The following KLF13 variants were observed in gnomAD, a reference collection of about 807,000 sequenced individuals.
KLF13 encodes the protein Krueppel-like factor 13.
Under a neutral mutation model 16.7 loss-of-function variants are expected in KLF13, and 8 were observed. That is an observed-to-expected ratio of 0.48 (90% confidence interval 0.28 to 0.87). The LOEUF is 0.87. Among genes scored for constraint, KLF13 ranks in the 40% least tolerant of loss-of-function variants. KLF13 has a pLI of 0.10. For missense variants in KLF13, 447 were observed against 452.2 expected, an observed-to-expected ratio of 0.99 and a Z score of 0.10; for synonymous variants, 245 against 208.4, an observed-to-expected ratio of 1.18 and a Z score of -1.51.
At chr15:31,410,831 C>T (rs924461390) in intron 1 of KLF13, among the ~76,000 whole-genome samples, 6 of 151,856 alleles carry the variant, frequency 4.0e-5, no homozygotes, top group Admixed American at 6.5e-5. Flanking sequence ...TGTAGATCTC[C>T]GGCCATACTG....
intron 1 of KLF13, among the ~76,000 whole-genome samples, chr15:31,369,161 A>G (rs867249948): frequency 1.6e-4 from 24 of 152,124 alleles, no homozygotes; most frequent in African/African-American, 5.3e-4. Context: ...TCTGTGTTTC[A>G]TTTAGATACG....
intron 1 of KLF13, among the ~76,000 whole-genome samples, chr15:31,351,334 T>G (rs1334923576): frequency 6.6e-6 from 1 of 152,210 alleles, no homozygotes; most frequent in Non-Finnish European, 1.5e-5. Flanking sequence ...ATCAATAACT[T>G]TAATCCCACC....
chr15:31,332,520 G>A (rs756811889), intron 1 of KLF13, among the ~76,000 whole-genome samples: 12 of 152,156 alleles, frequency 7.9e-5, no homozygotes, highest in Admixed American at 1.3e-4. Flanking sequence ...CTTCCCCCTC[G>A]CTGAAAGAAG....
chr15:31,335,421 T>TTGTGTG lies in KLF13; in HGVS notation c.577+7640_577+7645dup, dbSNP rs1166932948. On this transcript the variant is annotated intron_variant, in intron 1 of 1. Coordinates refer to ENST00000307145, the MANE Select transcript of KLF13 (RefSeq NM_015995.4). ...TGTGATCGCCATTTGCTGTTGGGCA[T>TTGTGTG]TGTGTGTGTGTGTATGTGTGTGTGT... Among the ~76,000 whole-genome samples, 123 of 108,134 alleles carry TTGTGTG rather than the reference T, an allele frequency of 1.1e-3. 6 individuals carry two copies. The highest frequency in any genetic ancestry group is 1.9e-3 in the Non-Finnish European group (95 of 50,408). 70.9% of individuals were successfully genotyped at this position (108,134 alleles called of 152,430 possible). A position where few individuals can be genotyped will look rare whatever the true frequency, so the allele number is the denominator to read the frequency against.
downstream of KLF13, among the ~76,000 whole-genome samples, chr15:31,382,059 T>G (rs1232316539): frequency 1.3e-5 from 2 of 152,160 alleles, no homozygotes; most frequent in Non-Finnish European, 2.9e-5. Flanking sequence ...AAGTTCCCAG[T>G]GGTGTGCGAG....
In KLF13 at chr15:31,373,293, G is replaced by T. The variant is rs2039586971; in HGVS notation, c.*994G>T. The T allele has an allele frequency of 6.6e-6, 1 of 152,302 alleles. No homozygotes were observed. Among genetic ancestry groups the T allele is most frequent in the African/African-American group, 2.4e-5 (1 of 41,474 alleles). The allele number at this position is 152,302 out of a possible 1,614,324, so 9.4% of individuals were successfully genotyped here. A position where few individuals can be genotyped will look rare whatever the true frequency, so the allele number is the denominator to read the frequency against. Reference sequence around the variant, plus strand: ...GGTCATGGGGCCTCCTCATCAGAGGGTCTGTGTGAGCGGCTGTGCATGTGG... The same window carrying T: ...GGTCATGGGGCCTCCTCATCAGAGGTTCTGTGTGAGCGGCTGTGCATGTGG... On this transcript the variant is annotated 3_prime_UTR_variant, in exon 2 of 2. Transcript: ENST00000307145.
intron 2 of KLF13, among the ~76,000 whole-genome samples, chr15:31,395,982 G>GTGA (rs1483498823): frequency 1.3e-5 from 2 of 152,206 alleles, no homozygotes; most frequent in African/African-American, 2.4e-5. Context: ...CTCAGGGCCT[G>GTGA]TGATACACGT....
chr15:31,422,785 A>G (rs530714474), intron 1 of KLF13, among the ~76,000 whole-genome samples: 1 of 152,240 alleles, frequency 6.6e-6, no homozygotes, highest in Non-Finnish European at 1.5e-5. Flanking sequence ...CTATAATCTC[A>G]GCATTTTGGG....
At chr15:31,409,534 G>A (rs750364967), downstream of KLF13, among the ~76,000 whole-genome samples, 33 of 151,680 alleles carry the variant, frequency 2.2e-4, no homozygotes, top group South Asian at 6.3e-4. Context: ...AGGAAGAAAA[G>A]GGAGGAAGAA....
intron 2 of KLF13, among the ~76,000 whole-genome samples, chr15:31,402,863 G>A (rs4461034): frequency 0.98 from 148,044 of 150,350 alleles, 72,874 homozygotes; most frequent in East Asian, 1. Context: ...AAAATGTGGG[G>A]AAAAAAAAAA....
intron 1 of KLF13, among the ~76,000 whole-genome samples, chr15:31,370,115 A>G (rs1014146424): frequency 2.1e-5 from 2 of 95,826 alleles, no homozygotes; most frequent in Admixed American, 1.3e-4. Flanking sequence ...TTTCTTCTCC[A>G]TGTTTTCTGT....
intron 1 of KLF13, among the ~76,000 whole-genome samples, chr15:31,431,078 G>T (rs1329449908): frequency 6.6e-6 from 1 of 152,066 alleles, no homozygotes; most frequent in Non-Finnish European, 1.5e-5. Flanking sequence ...AGGTCATACG[G>T]GTGGACCTCT....
chr15:31,408,912 A>G (rs2040159667), downstream of KLF13, among the ~76,000 whole-genome samples: 1 of 152,194 alleles, frequency 6.6e-6, no homozygotes, highest in Non-Finnish European at 1.5e-5. Context: ...TCATCAGTAG[A>G]CTAGACACAG....
At chr15:31,366,896 G>A (rs1272070611) in intron 1 of KLF13, among the ~76,000 whole-genome samples, 1 of 152,270 alleles carries the variant, frequency 6.6e-6, no homozygotes, top group Non-Finnish European at 1.5e-5. Flanking sequence ...CAATAGCACT[G>A]TTTGCCTCAT....
Position 31,361,394 on chromosome 15 carries a change from C to T in KLF13, c.578-10616C>T, listed in dbSNP as rs575130200. 7.2e-5 allele frequency among the ~76,000 whole-genome samples: 11 copies of T among 152,328 alleles called. No individual in the cohort carries two copies. In the East Asian group the frequency reaches 1.2e-3, roughly 16 times the overall value. ...CTCTGACAAGGGTTTCACATCAACA[C>T]TTTCCTGTCTTCCGGGTTGGTAGAG... On this transcript the variant is annotated intron_variant, in intron 1 of 1. Transcript: ENST00000307145.
At chr15:31,350,423 C>T (rs2039198307) in intron 1 of KLF13, among the ~76,000 whole-genome samples, 1 of 152,232 alleles carries the variant, frequency 6.6e-6, no homozygotes, top group South Asian at 2.1e-4. Context: ...TGAACTTCAT[C>T]TCATTACAGA....
chr15:31,389,017 T>A (rs1315650473), upstream of KLF13, among the ~76,000 whole-genome samples: 1 of 152,184 alleles, frequency 6.6e-6, no homozygotes, highest in Non-Finnish European at 1.5e-5. Flanking sequence ...ATGAATACCG[T>A]TGACCATTGA....
Position 31,372,390 on chromosome 15 carries a change from C to G in KLF13, c.*91C>G. On this transcript the variant is annotated 3_prime_UTR_variant, in exon 2 of 2. Coordinates refer to ENST00000307145, the MANE Select transcript of KLF13 (RefSeq NM_015995.4). ...AAGAAAGAAGAGAGAGAACTTGATGCAAAGTCCACGAAAAAACAATTTTTT... is the reference window on the plus strand; with the variant it reads ...AAGAAAGAAGAGAGAGAACTTGATGGAAAGTCCACGAAAAAACAATTTTTT... 7.7e-7 allele frequency: 1 copy of G among 1,301,814 alleles called. No homozygotes were observed. Among genetic ancestry groups the G allele is most frequent in the Non-Finnish European group, 9.9e-7 (1 of 1,008,258 alleles). The allele number at this position is 1,301,814 out of a possible 1,614,324, so 80.6% of individuals were successfully genotyped here. A position where few individuals can be genotyped will look rare whatever the true frequency, so the allele number is the denominator to read the frequency against.
intron 1 of KLF13, among the ~76,000 whole-genome samples, chr15:31,416,223 C>A (rs2040256628): frequency 6.6e-6 from 1 of 152,022 alleles, no homozygotes; most frequent in South Asian, 2.1e-4. Context: ...TCACTGAATT[C>A]TACCAAGCAT....
Sources: allele counts gnomAD v4.1 joint callset (sites outside exome capture counted in the v4.1 genomes callset), GRCh38; gene constraint gnomAD v4.1.1; transcripts MANE v1.5; gene names NCBI Gene and HGNC (gene_info 2026-07-23, HGNC 2026-07-21).